The following COL21A1 variants were observed in gnomAD, a reference collection of about 807,000 sequenced individuals.
COL21A1 encodes collagen alpha-1(XXI) chain.
COL21A1 carries 149 observed loss-of-function variants against 137.9 expected under a neutral mutation model. The observed-to-expected ratio is 1.08, with a 90% confidence interval of 0.95 to 1.24. COL21A1 has a LOEUF of 1.24. Among genes scored for constraint, COL21A1 ranks in the 50% most tolerant of loss-of-function variants. COL21A1 has a pLI of 0.00. For missense variants in COL21A1, 1,167 were observed against 1,158.4 expected, an observed-to-expected ratio of 1.01 and a Z score of -0.11; for synonymous variants, 456 against 391.5, an observed-to-expected ratio of 1.16 and a Z score of -1.95.
intron 1 of COL21A1, among the ~76,000 whole-genome samples, chr6:56,305,704 C>T (rs1288750859): frequency 6.6e-6 from 1 of 152,018 alleles, no homozygotes; most frequent in African/African-American, 2.4e-5. Flanking sequence ...CCAGTCTGTG[C>T]CCTTTAATTG....
chr6:56,375,852 T>C (rs1249195016), intron 1 of COL21A1, among the ~76,000 whole-genome samples: 3 of 152,104 alleles, frequency 2.0e-5, no homozygotes, highest in Non-Finnish European at 4.4e-5. Flanking sequence ...AGCAGACATA[T>C]TGCATTCAGT....
chr6:56,338,105 G>A (rs1423548831), intron 1 of COL21A1, among the ~76,000 whole-genome samples: 1 of 151,794 alleles, frequency 6.6e-6, no homozygotes. Context: ...TGGGACTACA[G>A]GTGTGTGCCA....
At chr6:56,188,086 A>G (rs1422910976) in intron 1 of COL21A1, among the ~76,000 whole-genome samples, 2 of 152,226 alleles carry the variant, frequency 1.3e-5, no homozygotes, top group Non-Finnish European at 2.9e-5. Flanking sequence ...AAACCACAGT[A>G]AGGTATGATT....
intron 1 of COL21A1, among the ~76,000 whole-genome samples, chr6:56,295,734 A>G (rs1439316850): frequency 6.6e-6 from 1 of 151,038 alleles, no homozygotes; most frequent in East Asian, 1.9e-4. Flanking sequence ...TTAAATTTCA[A>G]TTATTCATTC....
intron 1 of COL21A1, among the ~76,000 whole-genome samples, chr6:56,214,186 T>C (rs996300011): frequency 3.9e-5 from 6 of 152,004 alleles, no homozygotes; most frequent in Admixed American, 2.0e-4. Context: ...AAACACAAAA[T>C]GGTTTTCATA....
chr6:56,181,596 A>G (rs1051531223), intron 2 of COL21A1, among the ~76,000 whole-genome samples: 2 of 152,136 alleles, frequency 1.3e-5, no homozygotes, highest in South Asian at 2.1e-4. Context: ...GCCACAGAGC[A>G]TGTATTTCAT....
intron 25 of COL21A1, among the ~76,000 whole-genome samples, chr6:56,061,363 C>T (rs1458189445): frequency 1.3e-5 from 2 of 151,798 alleles, no homozygotes; most frequent in Admixed American, 6.6e-5. Flanking sequence ...TTAGTGGGTC[C>T]GACAGATACA....
intron 1 of COL21A1, among the ~76,000 whole-genome samples, chr6:56,376,893 A>C (rs2094000345): frequency 7.2e-6 from 1 of 139,670 alleles, no homozygotes; most frequent in South Asian, 2.3e-4. Flanking sequence ...AATCACCTTC[A>C]TAAGAACCAA....
chr6:56,139,428 C>A (rs1027325978), intron 12 of COL21A1, among the ~76,000 whole-genome samples: 2 of 152,046 alleles, frequency 1.3e-5, no homozygotes, highest in South Asian at 4.1e-4. Context: ...AGCCTATAAT[C>A]TATAATCTGT....
At chr6:56,192,267 T>C (rs1778737055) in intron 1 of COL21A1, among the ~76,000 whole-genome samples, 1 of 152,066 alleles carries the variant, frequency 6.6e-6, no homozygotes, top group Non-Finnish European at 1.5e-5. Flanking sequence ...ACCTAGGCAA[T>C]ACCATTCAGG....
At position 56,170,696 on chromosome 6, in the gene COL21A1, C is replaced by T. The variant is rs142653960; in HGVS notation, c.979G>A (p.Val327Ile). 4.4e-4 allele frequency: 711 copies of T among 1,604,992 alleles called. 3 individuals are homozygous for T. The highest frequency in any genetic ancestry group is 1.9e-3 in the African/African-American group (142 of 74,902). The change falls in exon 5 of 30, where the codon GTA becomes ATA. Residue 327 changes from valine (V) to isoleucine (I), a missense_variant. Transcript: ENST00000244728. ...DKILLFTTTS[V>I]INGSQVVTFA... ...GTAACCACTTGTGAGCCATTAATTACGCTGGTTGTTGTAAATAATAAGATT... is the reference window on the plus strand; with the variant it reads ...GTAACCACTTGTGAGCCATTAATTATGCTGGTTGTTGTAAATAATAAGATT...
intron 1 of COL21A1, among the ~76,000 whole-genome samples, chr6:56,283,970 T>C (rs1212586151): frequency 6.6e-6 from 1 of 151,944 alleles, no homozygotes; most frequent in Non-Finnish European, 1.5e-5. Flanking sequence ...GCCAACCAAT[T>C]ACTTGGGGTG....
intron 19 of COL21A1, among the ~76,000 whole-genome samples, chr6:56,074,996 G>A (rs1011482549): frequency 5.3e-5 from 8 of 150,744 alleles, no homozygotes; most frequent in African/African-American, 1.9e-4. Flanking sequence ...GGGGATTCTT[G>A]CACACATGAA....
intron 1 of COL21A1, among the ~76,000 whole-genome samples, chr6:56,295,950 T>G (rs570380771): frequency 1.3e-5 from 2 of 152,072 alleles, no homozygotes; most frequent in East Asian, 3.9e-4. Flanking sequence ...TTACATTATC[T>G]AGGACTTACA....
At chr6:56,199,617 TA>T (rs1473567816) in intron 1 of COL21A1, among the ~76,000 whole-genome samples, 36 of 152,294 alleles carry the variant, frequency 2.4e-4, no homozygotes, top group African/African-American at 8.2e-4. Context: ...TTGTGATAAT[TA>T]AAATTTATAC....
intron 1 of COL21A1, among the ~76,000 whole-genome samples, chr6:56,259,286 T>A (rs763372437): frequency 5.3e-5 from 8 of 152,214 alleles, no homozygotes; most frequent in Non-Finnish European, 1.0e-4. Flanking sequence ...ATGCTTCCAT[T>A]TGCATTTCTA....
chr6:56,150,546 ACACACACACACACACACAC>A (rs1561920220), intron 10 of COL21A1, among the ~76,000 whole-genome samples: 7 of 151,636 alleles, frequency 4.6e-5, no homozygotes, highest in South Asian at 2.1e-4. Context: ...ACACACACAC[ACACACACACACACACACAC>A]AAGAGTGGGG....
At chr6:56,170,095 T>C (rs13209683) in intron 5 of COL21A1, among the ~76,000 whole-genome samples, 8 of 152,060 alleles carry the variant, frequency 5.3e-5, no homozygotes, top group African/African-American at 1.9e-4. Flanking sequence ...TTCAAGTTTG[T>C]ATATTCTATT....
At chr6:56,357,051 C>A (rs1352252029) in intron 1 of COL21A1, among the ~76,000 whole-genome samples, 1 of 152,030 alleles carries the variant, frequency 6.6e-6, no homozygotes, top group Non-Finnish European at 1.5e-5. Flanking sequence ...ATACCTAATA[C>A]CAGGTCCCAT....
Sources: allele counts gnomAD v4.1 joint callset (sites outside exome capture counted in the v4.1 genomes callset), GRCh38; gene constraint gnomAD v4.1.1; transcripts MANE v1.5; gene names NCBI Gene and HGNC (gene_info 2026-07-23, HGNC 2026-07-21).